The following ZNF76 variants were observed in gnomAD, a reference collection of about 807,000 sequenced individuals.
The protein encoded by ZNF76 is zinc finger protein 523.
In ZNF76, 66 loss-of-function variants were observed where a neutral mutation model predicts 66.9. The observed-to-expected ratio is 0.99, with a 90% CI of 0.81 to 1.21. ZNF76 has a LOEUF of 1.21. Among genes scored for constraint, ZNF76 ranks in the 50% most tolerant of loss-of-function variants. ZNF76 has a pLI of 0.00. For missense variants in ZNF76, 729 were observed against 760.3 expected, an observed-to-expected ratio of 0.96 and a Z score of 0.48; for synonymous variants, 275 against 296.1, an observed-to-expected ratio of 0.93 and a Z score of 0.73.
chr6:35,263,482 A>G (rs1785546256), intron 1 of ZNF76, among the ~76,000 whole-genome samples: 1 of 152,186 alleles, frequency 6.6e-6, no homozygotes, highest in Non-Finnish European at 1.5e-5. Flanking sequence ...TCCACATCCA[A>G]AAGTCTATTC....
intron 1 of ZNF76, among the ~76,000 whole-genome samples, chr6:35,263,937 G>A (rs1785611106): frequency 6.6e-6 from 1 of 152,072 alleles, no homozygotes; most frequent in South Asian, 2.1e-4. Flanking sequence ...TTTTAGTAGA[G>A]ACAGGGTTTC....
At chr6:35,295,068 G>C in intron 13 of ZNF76, 76 bp from the exon 14 acceptor site, 1 of 1,189,778 alleles carries the variant, frequency 8.4e-7, no homozygotes, top group East Asian at 2.6e-5. Context: ...AAAAAAGTAG[G>C]CCACATATTA....
rs367726779 is a variant in ZNF76 at position 35,292,681 on chromosome 6, C to G, written c.1059C>G (p.Thr353=). 1.0e-4 allele frequency: 169 copies of G among 1,614,068 alleles called. No individual in the cohort carries two copies. Among genetic ancestry groups the G allele is most frequent in the Non-Finnish European group, 1.3e-4 (157 of 1,180,054 alleles). Residue 353 remains threonine, a synonymous_variant, in exon 10 of 14, where the codon ACC becomes ACG. Coordinates refer to ENST00000373953, the MANE Select transcript of ZNF76 (RefSeq NM_003427.5). This position sits in a 1 kb window ranked among gnomAD's most constrained non-coding sequence, Gnocchi z 4.7. ...KPYTCSTCGK[T]YRQTSTLAMH... is the part of the protein sequence containing the mutation. ...ACACCTGCAGCACCTGCGGCAAGAC[C>G]TACCGGCAGACCTCCACCTTGGCCA... is the stretch of plus-strand genomic sequence containing the variant.
intron 1 of ZNF76, among the ~76,000 whole-genome samples, chr6:35,269,326 C>G (rs1002965907): frequency 3.8e-4 from 58 of 151,472 alleles, no homozygotes; most frequent in African/African-American, 1.4e-3. Flanking sequence ...ACTCAGGCTC[C>G]TCTCTTCCAG....
At chr6:35,274,542 T>A (rs1027687997) in intron 1 of ZNF76, among the ~76,000 whole-genome samples, 3 of 152,192 alleles carry the variant, frequency 2.0e-5, no homozygotes, top group African/African-American at 7.2e-5. Flanking sequence ...CACATCTTGA[T>A]TCATGGAGAG....
At chr6:35,293,159 G>A in intron 11 of ZNF76, 115 bp downstream of exon 11, 1 of 1,302,990 alleles carries the variant, frequency 7.7e-7, no homozygotes, top group Admixed American at 2.5e-5. Flanking sequence ...TCTTGTTTAA[G>A]TTTTATAGAC....
At chr6:35,293,376 G>T (rs750521566) in intron 11 of ZNF76, among the ~76,000 whole-genome samples, 2 of 152,174 alleles carry the variant, frequency 1.3e-5, no homozygotes, top group African/African-American at 4.8e-5. Context: ...ATGGTATGGG[G>T]TCTGAAAGCC....
intron 1 of ZNF76, among the ~76,000 whole-genome samples, chr6:35,265,491 A>T (rs1053913984): frequency 2.0e-5 from 3 of 149,672 alleles, no homozygotes; most frequent in Non-Finnish European, 4.4e-5. Flanking sequence ...TGGGCGACAG[A>T]GCGAGACTCT....
At chr6:35,272,640 G>A (rs1787272948) in intron 1 of ZNF76, among the ~76,000 whole-genome samples, 1 of 152,138 alleles carries the variant, frequency 6.6e-6, no homozygotes, top group Non-Finnish European at 1.5e-5. Flanking sequence ...GTAGATTGAT[G>A]TTTTTCATTT....
chr6:35,286,273 C>T (rs769588714), intron 3 of ZNF76, 49 bp from the exon 4 acceptor site: 12 of 1,612,580 alleles, frequency 7.4e-6, no homozygotes, highest in African/African-American at 2.7e-5. Context: ...CAAGGGACCC[C>T]TCCATGGCAC....
chr6:35,286,431 G>A, intron 4 of ZNF76, 32 bp downstream of exon 4: 1 of 1,605,474 alleles, frequency 6.2e-7, no homozygotes, highest in Non-Finnish European at 8.5e-7. Context: ...CTCGGGGAAG[G>A]ATGGGAGGCA....
intron 1 of ZNF76, among the ~76,000 whole-genome samples, chr6:35,280,530 G>T (rs1312239606): frequency 1.7e-5 from 1 of 59,514 alleles, no homozygotes; most frequent in African/African-American, 6.7e-5. Flanking sequence ...CCCCCCCCCC[G>T]CCCTGAAGTT....
rs1460879641 is a variant in ZNF76, at chr6:35,293,871, C to T, written c.1450C>T (p.His484Tyr). The T allele has an allele frequency of 3.7e-6, 6 of 1,614,040 alleles. No individual in the cohort carries two copies. Among genetic ancestry groups the T allele is most frequent in the Non-Finnish European group, 1.7e-6 (2 of 1,180,034 alleles). Residue 484 changes from histidine to tyrosine, a missense_variant, in exon 12 of 14, where the codon CAT becomes TAT. Physicochemically the swap from His to Tyr is moderately conservative, Grantham distance 83. Coordinates refer to ENST00000373953, the MANE Select transcript of ZNF76 (RefSeq NM_003427.5). ...PDADLATSGT[H>Y]TVTMVSADGT... Reference sequence around the variant, plus strand: ...TGCCGACCTGGCCACATCTGGCACACATACAGTCACCATGGTCAGCGCCGA... The same window carrying T: ...TGCCGACCTGGCCACATCTGGCACATATACAGTCACCATGGTCAGCGCCGA...
rs778333298 is a variant in ZNF76, at chr6:35,292,888, T to G, written c.1173T>G (p.Ser391=). 6.2e-7 allele frequency: 1 copy of G among 1,614,190 alleles called. No homozygotes were observed. The highest frequency in any genetic ancestry group is 2.2e-5 in the East Asian group (1 of 44,884). ...TTGGCTCTCCTCTCCCAGCCGCCTC[T>G]GCAGCCGAGGAGAGTCCGCCACCCA... The part of the protein sequence containing the change: ...LYEQQQLEAA[S]AAEESPPPKR... The change falls in exon 11 of 14, where the codon TCT becomes TCG. Residue 391 remains serine (S), a synonymous_variant. Coordinates refer to ENST00000373953, the MANE Select transcript of ZNF76 (RefSeq NM_003427.5). The surrounding 1 kb of genome is among the most constrained non-coding windows in gnomAD (Gnocchi z 4.7).
In ZNF76 at chr6:35,281,232, T is replaced by C; in HGVS notation, c.73+8T>C. 1 of 1,613,112 alleles carries C rather than the reference T, an allele frequency of 6.2e-7. No homozygotes were observed. The highest frequency in any genetic ancestry group is 8.5e-7 in the Non-Finnish European group (1 of 1,179,840). On this transcript the variant is annotated splice_region_variant and intron_variant, in intron 2 of 13. Coordinates refer to ENST00000373953, the MANE Select transcript of ZNF76 (RefSeq NM_003427.5). ...TCCAGCAAGCTGTCAAAGGTAAGTA[T>C]TTCTGGGGACCTCAGGATCCTGCCC...
At chr6:35,267,803 GA>G (rs755217237) in intron 1 of ZNF76, among the ~76,000 whole-genome samples, 21 of 152,226 alleles carry the variant, frequency 1.4e-4, no homozygotes, top group African/African-American at 5.1e-4. Flanking sequence ...TGTCAAAGAT[GA>G]GGCAAGATGG....
chr6:35,269,824 A>G (rs1401396840), intron 1 of ZNF76, among the ~76,000 whole-genome samples: 1 of 152,212 alleles, frequency 6.6e-6, no homozygotes, highest in Non-Finnish European at 1.5e-5. Flanking sequence ...CAGGCTGGGG[A>G]CACACATGTT....
At chr6:35,260,517 T>G (rs1048533949) in intron 1 of ZNF76, among the ~76,000 whole-genome samples, 1 of 152,180 alleles carries the variant, frequency 6.6e-6, no homozygotes, top group African/African-American at 2.4e-5. Flanking sequence ...AGCCCTTCAG[T>G]GTCAATCAGC....
chr6:35,280,983 A>G, intron 1 of ZNF76, 73 bp from the exon 2 acceptor site: 1 of 673,346 alleles, frequency 1.5e-6, no homozygotes. Context: ...GGCCTCATTA[A>G]CTCCTTCCCT....
Sources: allele counts gnomAD v4.1 joint callset (sites outside exome capture counted in the v4.1 genomes callset), GRCh38; gene constraint gnomAD v4.1.1; non-coding constraint Gnocchi (gnomAD v3.1); transcripts MANE v1.5; gene names NCBI Gene and HGNC (gene_info 2026-07-23, HGNC 2026-07-21).